The following ADA variants were observed in gnomAD, a reference collection of about 807,000 sequenced individuals.
ADA encodes adenosine deaminase, also known as adenosine aminohydrolase.
ADA carries 45 observed loss-of-function variants against 49.0 expected under a neutral mutation model. That is an observed-to-expected ratio of 0.92 (90% CI 0.72 to 1.18). The LOEUF (loss-of-function observed/expected upper bound fraction) is 1.18, where lower values mean the gene tolerates loss of function less well. ADA is among the 50% of genes most tolerant of loss of function. The pLI is 0.00. For synonymous variants in ADA, 173 were observed against 184.2 expected (o/e 0.94, Z 0.49); for missense variants, 445 against 472.5 (o/e 0.94, Z 0.54).
At position 44,624,235 on chromosome 20, in the gene ADA, G is replaced by A. The variant is rs1469122145; in HGVS notation, c.573C>T (p.Ser191=). 2 of 1,613,818 alleles carry A rather than the reference G, an allele frequency of 1.2e-6. No individual in the cohort carries two copies. Among genetic ancestry groups the A allele is most frequent in the East Asian group, 2.2e-5 (1 of 44,874 alleles). The change falls in exon 6 of 12, where the codon AGC becomes AGT. Residue 191 remains serine (S), a synonymous_variant. Coordinates refer to ENST00000372874, the MANE Select transcript of ADA (RefSeq NM_000022.4). The part of the protein sequence containing the change: ...DLAGDETIPG[S]SLLPGHVQAY... The stretch of plus-strand genomic sequence containing the variant: ...CCTGGACATGTCCAGGCAAGAGGCT[G>A]CTTCCTGGGATGGTCTCATCTCCAG...
At chr20:44,636,475 G>A (rs113148219) in intron 1 of ADA, among the ~76,000 whole-genome samples, 187 bp from the exon 2 acceptor site, 31 of 152,020 alleles carry the variant, frequency 2.0e-4, no homozygotes, top group Non-Finnish European at 3.8e-4. Flanking sequence ...CATTTAATCC[G>A]CTCCTGGGAT....
chr20:44,620,506 G>T, intron 10 of ADA, 105 bp from the exon 11 acceptor site: 1 of 937,336 alleles, frequency 1.1e-6, no homozygotes, highest in Non-Finnish European at 1.7e-6. Flanking sequence ...GGGCAGATAC[G>T]CTTAGAGGGG....
intron 6 of ADA, 117 bp from the exon 7 acceptor site, chr20:44,623,195 GGGGAAA>G: frequency 6.9e-7 from 1 of 1,455,678 alleles, no homozygotes; most frequent in Non-Finnish European, 9.4e-7. Context: ...TCAACAGCAT[GGGGAAA>G]CCTGGTCTTT....
In ADA at chr20:44,625,824, C is replaced by T. The variant is rs572149039; in HGVS notation, c.363-140G>A. 142 of 711,026 alleles carry T rather than the reference C, an allele frequency of 2.0e-4. 1 individual carries two copies. The South Asian group carries it at 2.2e-3, about 11-fold the overall frequency. The allele number at this position is 711,026 out of a possible 1,614,324, so 44.0% of individuals were successfully genotyped here. Reference sequence around the variant, plus strand: ...CTGACCCACTGCCTCAGAGGAAAGACTGGCAGAGATGCCCCCAGGCCCTAG... The same window carrying T: ...CTGACCCACTGCCTCAGAGGAAAGATTGGCAGAGATGCCCCCAGGCCCTAG... On this transcript the variant is annotated intron_variant, in intron 4 of 11. Coordinates refer to ENST00000372874, the MANE Select transcript of ADA (RefSeq NM_000022.4).
intron 2 of ADA, 32 bp from the exon 3 acceptor site, chr20:44,629,201 C>A: frequency 6.2e-7 from 1 of 1,613,896 alleles, no homozygotes; most frequent in African/African-American, 1.3e-5. Flanking sequence ...GTGGACCAAC[C>A]CGGGGCAGGA....
At chr20:44,647,905 A>T (rs1172181602) in intron 1 of ADA, among the ~76,000 whole-genome samples, 1 of 151,928 alleles carries the variant, frequency 6.6e-6, no homozygotes, top group African/African-American at 2.4e-5. Context: ...CAACAGAGTG[A>T]GACTGCGGCA....
At chr20:44,639,988 G>A (rs969609049) in intron 1 of ADA, among the ~76,000 whole-genome samples, 2 of 152,030 alleles carry the variant, frequency 1.3e-5, no homozygotes, top group African/African-American at 4.8e-5. Context: ...AGGGTGTGTG[G>A]TATGCAGAAG....
chr20:44,645,633 T>C (rs2299688), intron 1 of ADA, among the ~76,000 whole-genome samples: 81,215 of 151,912 alleles, frequency 0.53, 22,478 homozygotes, highest in East Asian at 0.75. Context: ...AAAGTCAAAG[T>C]AGGACCATTA....
At position 44,625,149 on chromosome 20, in the gene ADA, A is replaced by T. The variant is rs545042247; in HGVS notation, c.478+420T>A. Among the ~76,000 whole-genome samples the T allele has an allele frequency of 2.6e-5, 4 of 152,214 alleles. No homozygotes were observed. The East Asian group carries it at 5.8e-4, about 22-fold the overall frequency. On this transcript the variant is annotated intron_variant, in intron 5 of 11. Transcript: ENST00000372874. ...TGAGGCTGTGCACCATGAGGCACAA[A>T]CTCTAGAGATCTGATCTGCGTCAGT...
chr20:44,640,135 C>T (rs965385933), intron 1 of ADA, among the ~76,000 whole-genome samples: 10 of 151,898 alleles, frequency 6.6e-5, no homozygotes, highest in South Asian at 2.1e-4. Flanking sequence ...TTATATGGGT[C>T]GGGCGTGGTG....
At chr20:44,642,216 G>A (rs1301651713) in intron 1 of ADA, among the ~76,000 whole-genome samples, 1 of 152,226 alleles carries the variant, frequency 6.6e-6, no homozygotes, top group African/African-American at 2.4e-5. Flanking sequence ...TGGAGGCCCT[G>A]GAGGGACAAG....
chr20:44,651,527 C>A, intron 1 of ADA, 48 bp downstream of exon 1: 1 of 1,517,740 alleles, frequency 6.6e-7, no homozygotes, highest in Admixed American at 2.0e-5. Context: ...GCCCCTCGGG[C>A]CGCCCAGGCG....
At chr20:44,651,220 C>T (rs2065642715) in intron 1 of ADA, among the ~76,000 whole-genome samples, 2 of 152,216 alleles carry the variant, frequency 1.3e-5, no homozygotes, top group African/African-American at 4.8e-5. Flanking sequence ...GCCTATCCGG[C>T]GTAGACATCG....
At chr20:44,649,060 A>G (rs551077114) in intron 1 of ADA, among the ~76,000 whole-genome samples, 1 of 152,158 alleles carries the variant, frequency 6.6e-6, no homozygotes, top group Non-Finnish European at 1.5e-5. Context: ...GTAGTTTAGG[A>G]AAGATGGTTA....
chr20:44,628,225 CTTCAG>C (rs376939588), intron 3 of ADA, among the ~76,000 whole-genome samples: 1 of 152,134 alleles, frequency 6.6e-6, no homozygotes, highest in African/African-American at 2.4e-5. Context: ...GTTCTTGCAT[CTTCAG>C]GATGAGGATG....
intron 2 of ADA, among the ~76,000 whole-genome samples, chr20:44,633,927 A>C (rs1352345964): frequency 6.6e-6 from 1 of 152,174 alleles, no homozygotes; most frequent in African/African-American, 2.4e-5. Context: ...TTCTTAGCCC[A>C]TATTTGTGTG....
rs56732329 is a variant in ADA at position 44,629,438 on chromosome 20, GTA to G, written c.96-271_96-270del. On this transcript the variant is annotated intron_variant, in intron 2 of 11. Transcript: ENST00000372874. ...TTGAAGTGTGTGTGTGTGTGTGTGTGTATGTGTGCACACATGCACACACCCCC... is the reference window on the plus strand; with the variant it reads ...TTGAAGTGTGTGTGTGTGTGTGTGTGTGTGTGCACACATGCACACACCCCC... Among the ~76,000 whole-genome samples the G allele has an allele frequency of 6.0e-3, 899 of 150,380 alleles. 6 individuals are homozygous for G. The highest frequency in any genetic ancestry group is 0.019 in the African/African-American group (783 of 40,560).
chr20:44,641,772 GTT>G (rs531940059), intron 1 of ADA, among the ~76,000 whole-genome samples: 7 of 143,372 alleles, frequency 4.9e-5, no homozygotes, highest in African/African-American at 1.8e-4. Flanking sequence ...TGTTGTTGTT[GTT>G]TTTTTTTTTT....
intron 1 of ADA, among the ~76,000 whole-genome samples, chr20:44,649,941 T>C (rs1211759661): frequency 6.6e-6 from 1 of 152,204 alleles, no homozygotes; most frequent in African/African-American, 2.4e-5. Context: ...TTTGCCATGT[T>C]GGCCAGGCTG....
Sources: allele counts gnomAD v4.1 joint callset (sites outside exome capture counted in the v4.1 genomes callset), GRCh38; gene constraint gnomAD v4.1.1; transcripts MANE v1.5; gene names NCBI Gene and HGNC (gene_info 2026-07-23, HGNC 2026-07-21).